Variants in HAL observed in about 807,000 individuals in gnomAD.
The protein encoded by HAL is histidase.
Under a neutral mutation model 81.1 loss-of-function variants are expected in HAL, and 85 were observed. That is an observed-to-expected ratio of 1.05 (90% CI 0.88 to 1.25). The LOEUF (loss-of-function observed/expected upper bound fraction) is 1.25, where lower values mean the gene tolerates loss of function less well. HAL is among the 50% of genes most tolerant of loss of function. The pLI, the probability that HAL is intolerant of heterozygous loss-of-function variation, is 0.00. For missense variants in HAL, 798 were observed against 836.6 expected, an observed-to-expected ratio of 0.95 and a Z score of 0.57; for synonymous variants, 301 against 309.2, an observed-to-expected ratio of 0.97 and a Z score of 0.28.
Position 95,992,673 on chromosome 12 carries a change from G to A in HAL, c.715+7C>T. Reference sequence around the variant, plus strand: ...CAGAGGTTCCGTCTAGGGAGCCATTGCATTACCATTAAACATTTCTATGAC... The same window carrying A: ...CAGAGGTTCCGTCTAGGGAGCCATTACATTACCATTAAACATTTCTATGAC... On this transcript the variant is annotated splice_region_variant and intron_variant, in intron 9 of 20. Coordinates refer to ENST00000261208, the MANE Select transcript of HAL (RefSeq NM_002108.4). 4 of 1,610,190 alleles carry A rather than the reference G, an allele frequency of 2.5e-6. No individual in the cohort carries two copies. Among genetic ancestry groups the A allele is most frequent in the Non-Finnish European group, 3.4e-6 (4 of 1,176,848 alleles).
chr12:95,974,740 T>G (rs1411764631), intron 20 of HAL, among the ~76,000 whole-genome samples: 2 of 151,726 alleles, frequency 1.3e-5, no homozygotes, highest in African/African-American at 2.4e-5. Context: ...TGTTTTTTTG[T>G]TTTTTTTCTT....
Position 95,983,981 on chromosome 12 carries a change from A to C in HAL, c.1217T>G (p.Val406Gly). ...TLRCCPQVHGVVNDTIAFVKN... is the reference protein window; with the variant it reads ...TLRCCPQVHGGVNDTIAFVKN... ...CACAAATGCTATTGTATCATTCACC[A>C]CACCATGGACCTAAAATACAATCAA... Residue 406 changes from valine (V) to glycine (G), a missense_variant, in exon 15 of 21, where the codon GTG becomes GGG. Coordinates refer to ENST00000261208, the MANE Select transcript of HAL (RefSeq NM_002108.4). 1 of 1,550,060 alleles carries C rather than the reference A, an allele frequency of 6.5e-7. No homozygotes were observed. Among genetic ancestry groups the C allele is most frequent in the Non-Finnish European group, 8.9e-7 (1 of 1,122,444 alleles).
intron 9 of HAL, among the ~76,000 whole-genome samples, 166 bp downstream of exon 9, chr12:95,992,514 C>T (rs1337786292): frequency 6.6e-6 from 1 of 152,172 alleles, no homozygotes; most frequent in Non-Finnish European, 1.5e-5. Flanking sequence ...TCGACTTTCT[C>T]CTCTTCCCCC....
rs35532808 is a variant in HAL, at chr12:95,975,347, CT to C, written c.1834-976del. ...CCTCCCACCCACCAACCTCTTTTTT[CT>C]TTTTTTTTTTTTTTCTTAAGCATAA... On this transcript the variant is annotated intron_variant, in intron 20 of 20. Coordinates refer to ENST00000261208, the MANE Select transcript of HAL (RefSeq NM_002108.4). 1.5e-3 allele frequency among the ~76,000 whole-genome samples: 211 copies of C among 141,954 alleles called. 1 individual carries two copies. The highest frequency in any genetic ancestry group is 2.7e-3 in the African/African-American group (103 of 38,570). The allele number at this position is 141,954 out of a possible 152,430, so 93.1% of individuals were successfully genotyped here.
At chr12:95,984,014 T>C in intron 14 of HAL, 23 bp from the exon 15 acceptor site, 2 of 1,199,632 alleles carry the variant, frequency 1.7e-6, no homozygotes. Context: ...CAAAATAAGG[T>C]ATATGACCCA....
In HAL at chr12:95,993,759, G is replaced by A; in HGVS notation, c.551+13C>T. ...GTAGGTGGAACGTGAACATATGTGT[G>A]TTTTAAACTTACTGTAGCTTATTGA... On this transcript the variant is annotated intron_variant, in intron 7 of 20. Transcript: ENST00000261208. 1 of 1,433,974 alleles carries A rather than the reference G, an allele frequency of 7.0e-7. No homozygotes were observed. Among genetic ancestry groups the A allele is most frequent in the Non-Finnish European group, 9.8e-7 (1 of 1,015,630 alleles). The allele number at this position is 1,433,974 out of a possible 1,614,324, so 88.8% of individuals were successfully genotyped here. A position where few individuals can be genotyped will look rare whatever the true frequency, so the allele number is the denominator to read the frequency against.
chr12:95,993,603 T>G, intron 7 of HAL, 115 bp from the exon 8 acceptor site: 1 of 886,700 alleles, frequency 1.1e-6, no homozygotes, highest in Non-Finnish European at 1.9e-6. Flanking sequence ...AGGAAGGCAA[T>G]GGGAGAAACC....
At position 95,995,677 on chromosome 12, in the gene HAL, C is replaced by G. The variant is rs772255195; in HGVS notation, c.234G>C (p.Glu78Asp). ...GCAGCCACTCACCCACTTCCACGAA[C>G]TCGTTGTTCTCTAGGGCCACCTCGA... ...DRLEVALENN[E>D]FVEVVIEGDA... Residue 78 changes from glutamate (E) to aspartate (D), a missense_variant, in exon 2 of 21, where the codon GAG becomes GAC. By Grantham distance (45) the Glu-to-Asp change is conservative (BLOSUM62 2). Transcript: ENST00000261208. 1.2e-6 allele frequency: 2 copies of G among 1,613,436 alleles called. No homozygotes were observed. The highest frequency in any genetic ancestry group is 2.2e-5 in the East Asian group (1 of 44,886).
In HAL at chr12:95,987,191, C is replaced by T. The variant is rs753311045; in HGVS notation, c.927G>A (p.Thr309=). The change falls in exon 12 of 21, where the codon ACG becomes ACA. Residue 309 remains threonine, a synonymous_variant. Transcript: ENST00000261208. The stretch of plus-strand genomic sequence containing the variant: ...CACAGCCCAGGGATGTGATCATCTG[C>T]GTCCCATTGATGAGTGCCAGGCCCT... The part of the protein sequence containing the change: ...PKEGLALING[T]QMITSLGCEA... 4.3e-6 allele frequency: 7 copies of T among 1,613,772 alleles called. No individual in the cohort carries two copies. Among genetic ancestry groups the T allele is most frequent in the East Asian group, 4.5e-5 (2 of 44,882 alleles).
rs542250651 is a variant in HAL at position 95,986,591 on chromosome 12, C to T, written c.1052-431G>A. 2.2e-4 allele frequency among the ~76,000 whole-genome samples: 33 copies of T among 152,292 alleles called. No homozygotes were observed. The East Asian group carries it at 4.2e-3, about 20-fold the overall frequency. On this transcript the variant is annotated intron_variant, in intron 12 of 20. Coordinates refer to ENST00000261208, the MANE Select transcript of HAL (RefSeq NM_002108.4). ...AACAGGGCGAATAACAGGAGGGAGC[C>T]CTACAGTGGCCTAATTTAACTCATT... is the stretch of plus-strand genomic sequence containing the variant.
rs760663950 is a variant in HAL at position 95,980,710 on chromosome 12, G to A, written c.1365C>T (p.Tyr455=). 6 of 1,613,724 alleles carry A rather than the reference G, an allele frequency of 3.7e-6. No individual in the cohort carries two copies. The highest frequency in any genetic ancestry group is 1.1e-5 in the South Asian group (1 of 91,078). The change falls in exon 17 of 21, where the codon TAC becomes TAT. Residue 455 remains tyrosine (Y), a synonymous_variant. Coordinates refer to ENST00000261208, the MANE Select transcript of HAL (RefSeq NM_002108.4). ...HGEYPAKALD[Y]LAIGIHELAA... The stretch of plus-strand genomic sequence containing the variant: ...CAAGTTCATGGATGCCAATGGCCAA[G>A]TAGTCTAGGGCCTGAAAGAGGGTCT...
chr12:95,989,757 G>A, intron 10 of HAL: 1 of 159,168 alleles, frequency 6.3e-6, no homozygotes, highest in Non-Finnish European at 1.4e-5. Flanking sequence ...ACGGAAGACA[G>A]ATGATCTAGA....
At chr12:95,983,622 A>G (rs753692666) in intron 15 of HAL, 1 of 456,190 alleles carries the variant, frequency 2.2e-6, no homozygotes, top group Admixed American at 3.6e-5. Flanking sequence ...GTCTTCAGGA[A>G]ACATGTCAGC....
intron 20 of HAL, among the ~76,000 whole-genome samples, chr12:95,975,275 A>C (rs1327125602): frequency 6.6e-6 from 1 of 151,740 alleles, no homozygotes; most frequent in African/African-American, 2.4e-5. Flanking sequence ...ATTCATAGCC[A>C]CTTTAATGTT....
Position 95,973,344 on chromosome 12 carries a change from T to A in HAL, c.*888A>T, listed in dbSNP as rs2080676256. On this transcript the variant is annotated 3_prime_UTR_variant, in exon 21 of 21. Transcript: ENST00000261208. ...TGCAGTAATACACTCTAGGGCTCCATCTGACCTTTATCAATAGGACTTATT... is the reference window on the plus strand; with the variant it reads ...TGCAGTAATACACTCTAGGGCTCCAACTGACCTTTATCAATAGGACTTATT... The A allele has an allele frequency of 6.6e-6, 1 of 152,166 alleles. No homozygotes were observed. Among genetic ancestry groups the A allele is most frequent in the African/African-American group, 2.4e-5 (1 of 41,430 alleles). The allele number at this position is 152,166 out of a possible 1,614,324, so 9.4% of individuals were successfully genotyped here.
Position 95,985,922 on chromosome 12 carries a change from G to T in HAL, c.1192C>A (p.Arg398Ser). 6.2e-7 allele frequency: 1 copy of T among 1,607,694 alleles called. No individual in the cohort carries two copies. The highest frequency in any genetic ancestry group is 8.5e-7 in the Non-Finnish European group (1 of 1,175,058). ...CDRVQDAYTLRCCPQVHGVVN... is the reference protein window; with the variant it reads ...CDRVQDAYTLSCCPQVHGVVN... ...CTTTATTTTACCTGTGGACAGCAGCGCAAGGTGTATGCATCCTGGACGCGA... is the reference window on the plus strand; with the variant it reads ...CTTTATTTTACCTGTGGACAGCAGCTCAAGGTGTATGCATCCTGGACGCGA... Residue 398 changes from arginine to serine, a missense_variant, in exon 14 of 21, where the codon CGC becomes AGC. Coordinates refer to ENST00000261208, the MANE Select transcript of HAL (RefSeq NM_002108.4).
chr12:95,986,924 GCA>G lies in HAL; in HGVS notation c.1051+141_1051+142del, dbSNP rs1949896257. The G allele has an allele frequency of 1.5e-5, 11 of 729,594 alleles. No homozygotes were observed. The East Asian group carries it at 2.8e-4, about 19-fold the overall frequency. 45.2% of individuals were successfully genotyped at this position (729,594 alleles called of 1,614,324 possible). ...GTGCCATAGCCTAGATGAAGAGGCAGCACACTGGGTACGCCACAGGCACTTGG... is the reference window on the plus strand; with the variant it reads ...GTGCCATAGCCTAGATGAAGAGGCAGCACTGGGTACGCCACAGGCACTTGG... On this transcript the variant is annotated intron_variant, in intron 12 of 20. Transcript: ENST00000261208.
chr12:95,974,414 T>C (rs2080690773), intron 20 of HAL, 42 bp from the exon 21 acceptor site: 3 of 1,591,578 alleles, frequency 1.9e-6, no homozygotes, highest in Non-Finnish European at 2.6e-6. Context: ...ATTGACGACA[T>C]TGTTTCCACA....
At chr12:95,975,990 C>T (rs1479786528) in intron 20 of HAL, 2 of 326,448 alleles carry the variant, frequency 6.1e-6, no homozygotes, top group African/African-American at 2.2e-5. Context: ...CTAGACAGAC[C>T]GAAAGTCTTC....
Sources: allele counts gnomAD v4.1 joint callset (sites outside exome capture counted in the v4.1 genomes callset), GRCh38; gene constraint gnomAD v4.1.1; transcripts MANE v1.5; gene names NCBI Gene and HGNC (gene_info 2026-07-23, HGNC 2026-07-21).